SLC16A12: variants seen among roughly 807,000 people sequenced by gnomAD.
SLC16A12 encodes monocarboxylate transporter 12.
In SLC16A12, 17 loss-of-function variants were observed where a neutral mutation model predicts 42.4. That is an observed-to-expected ratio of 0.40 (90% CI 0.27 to 0.60). The LOEUF (loss-of-function observed/expected upper bound fraction) is 0.60. SLC16A12 is among the 20% of genes least tolerant of loss of function. SLC16A12 has a pLI of 0.42. For synonymous variants in SLC16A12, 224 were observed against 229.4 expected (o/e 0.98, Z 0.21); for missense variants, 544 against 623.0 (o/e 0.87, Z 1.35).
chr10:89,519,395 C>T (rs1296660760), intron 2 of SLC16A12, among the ~76,000 whole-genome samples: 1 of 152,074 alleles, frequency 6.6e-6, no homozygotes, highest in Non-Finnish European at 1.5e-5. Context: ...AAAAAAAATA[C>T]CCTATCAGCA....
At chr10:89,536,888 A>G (rs1399144020), upstream of SLC16A12, among the ~76,000 whole-genome samples, 1 of 152,158 alleles carries the variant, frequency 6.6e-6, no homozygotes, top group Non-Finnish European at 1.5e-5. Flanking sequence ...CCCAGGCTGG[A>G]GTGCAGTGGT....
At chr10:89,470,174 G>A (rs1198986792) in intron 2 of SLC16A12, among the ~76,000 whole-genome samples, 2 of 152,152 alleles carry the variant, frequency 1.3e-5, no homozygotes, top group Admixed American at 1.3e-4. Flanking sequence ...AAGGAATCAT[G>A]GGATTGTGTT....
intron 2 of SLC16A12, among the ~76,000 whole-genome samples, chr10:89,532,230 T>C (rs1843566596): frequency 6.6e-6 from 1 of 152,152 alleles, no homozygotes; most frequent in South Asian, 2.1e-4. Context: ...ACCCTACTCG[T>C]CAATGCGCGG....
upstream of SLC16A12, among the ~76,000 whole-genome samples, chr10:89,535,927 CG>C (rs1757792151): frequency 6.6e-6 from 1 of 152,240 alleles, no homozygotes; most frequent in Non-Finnish European, 1.5e-5. Flanking sequence ...CGAAATGCAC[CG>C]GCTCATTCAG....
intron 2 of SLC16A12, among the ~76,000 whole-genome samples, chr10:89,528,248 A>G (rs529851398): frequency 6.6e-6 from 1 of 152,330 alleles, no homozygotes. Context: ...AAAAACAGAA[A>G]GTTTTCAGAG....
At chr10:89,542,813 C>T (rs559300136) in intron 2 of SLC16A12, among the ~76,000 whole-genome samples, 2 of 152,316 alleles carry the variant, frequency 1.3e-5, no homozygotes, top group South Asian at 2.1e-4. Context: ...TTTACTTCAT[C>T]GAAATGGGAC....
chr10:89,461,635 T>A (rs892937674), intron 3 of SLC16A12, among the ~76,000 whole-genome samples: 15 of 152,236 alleles, frequency 9.9e-5, no homozygotes, highest in African/African-American at 3.4e-4. Context: ...TTTTCTTGAT[T>A]TATGAATTAT....
rs72816739 is a variant in SLC16A12 at position 89,519,165 on chromosome 10, C to T, written c.-47+15336G>A. On this transcript the variant is annotated intron_variant, in intron 2 of 7. Coordinates refer to ENST00000371790, the MANE Select transcript of SLC16A12 (RefSeq NM_213606.4). Reference sequence around the variant, plus strand: ...TTCACTACAACTCCAAAACACATATCCCATATTGATACTGTGCCACAAAAA... The same window carrying T: ...TTCACTACAACTCCAAAACACATATTCCATATTGATACTGTGCCACAAAAA... 1.2e-3 allele frequency among the ~76,000 whole-genome samples: 176 copies of T among 152,126 alleles called. 1 individual carries two copies. The highest frequency in any genetic ancestry group is 1.8e-3 in the Non-Finnish European group (120 of 68,014).
chr10:89,506,411 G>A (rs1199475812), intron 2 of SLC16A12, among the ~76,000 whole-genome samples: 2 of 152,136 alleles, frequency 1.3e-5, no homozygotes, highest in African/African-American at 2.4e-5. Context: ...CGCAGCCTCC[G>A]CTGGTGATAC....
At chr10:89,456,264 A>C (rs1327741240) in intron 3 of SLC16A12, 3 of 152,208 alleles carry the variant, frequency 2.0e-5, no homozygotes. Flanking sequence ...TGCTCAGTTA[A>C]AGTTAGCAAT....
chr10:89,486,753 G>T (rs2133798736), intron 2 of SLC16A12, among the ~76,000 whole-genome samples: 1 of 150,830 alleles, frequency 6.6e-6, no homozygotes, highest in Admixed American at 6.6e-5. Flanking sequence ...AATAAGTATA[G>T]AAATAAAGAC....
At chr10:89,459,576 G>A (rs1353857666) in intron 3 of SLC16A12, among the ~76,000 whole-genome samples, 1 of 148,144 alleles carries the variant, frequency 6.8e-6, no homozygotes, top group African/African-American at 2.4e-5. Flanking sequence ...GATTATGAAT[G>A]TATGCACAGT....
At chr10:89,537,132 G>C (rs921193216), upstream of SLC16A12, among the ~76,000 whole-genome samples, 1 of 148,896 alleles carries the variant, frequency 6.7e-6, no homozygotes, top group Non-Finnish European at 1.5e-5. Flanking sequence ...ACGCAGCAAG[G>C]CACCGTAGGT....
At position 89,462,532 on chromosome 10, in the gene SLC16A12, G is replaced by A. The variant is rs749116350; in HGVS notation, c.47C>T (p.Thr16Ile). 1 of 1,613,072 alleles carries A rather than the reference G, an allele frequency of 6.2e-7. No individual in the cohort carries two copies. The highest frequency in any genetic ancestry group is 1.3e-5 in the African/African-American group (1 of 74,886). Residue 16 changes from threonine (T) to isoleucine (I), a missense_variant, in exon 3 of 8, where the codon ACT becomes ATT. Thr to Ile is a moderately conservative substitution (Grantham distance 89). Transcript: ENST00000371790. Reference sequence around the variant, plus strand: ...TTTTCCAGGTTGCTCCAACAGCCAAGTTATGATCTTGGAAGAGTTTGCTGT... The same window carrying A: ...TTTTCCAGGTTGCTCCAACAGCCAAATTATGATCTTGGAAGAGTTTGCTGT... The part of the protein sequence containing the change: ...HWTANSSKII[T>I]WLLEQPGKEE...
chr10:89,482,736 T>G (rs2133790309), intron 2 of SLC16A12, among the ~76,000 whole-genome samples: 1 of 147,842 alleles, frequency 6.8e-6, no homozygotes, highest in Middle Eastern at 3.5e-3. Context: ...TGAGACAAGA[T>G]CACACTACTG....
chr10:89,506,852 C>G (rs1843070651), intron 2 of SLC16A12, among the ~76,000 whole-genome samples: 1 of 151,996 alleles, frequency 6.6e-6, no homozygotes, highest in African/African-American at 2.4e-5. Context: ...GAATTGCTAA[C>G]TAGAATAACC....
chr10:89,469,027 G>A (rs1325914806), intron 2 of SLC16A12, among the ~76,000 whole-genome samples: 1 of 152,156 alleles, frequency 6.6e-6, no homozygotes, highest in Non-Finnish European at 1.5e-5. Flanking sequence ...TACTTGGGGG[G>A]CTGAGGCATG....
rs1269433001 is a variant in SLC16A12 at position 89,431,215 on chromosome 10, T to C, written c.*1849A>G. On this transcript the variant is annotated 3_prime_UTR_variant, in exon 8 of 8. Transcript: ENST00000371790. ...AGTTTCACGATGTTAGCCAGGATGG[T>C]CTTGATCTCCTGACCTCATGATCCA... The C allele has an allele frequency of 6.3e-6, 1 of 158,882 alleles. No homozygotes were observed. The highest frequency in any genetic ancestry group is 1.4e-5 in the Non-Finnish European group (1 of 72,968). 9.8% of individuals were successfully genotyped at this position (158,882 alleles called of 1,614,324 possible). A position where few individuals can be genotyped will look rare whatever the true frequency, so the allele number is the denominator to read the frequency against.
chr10:89,430,955 A>G lies in SLC16A12; in HGVS notation c.*2109T>C. On this transcript the variant is annotated 3_prime_UTR_variant, in exon 8 of 8. Coordinates refer to ENST00000371790, the MANE Select transcript of SLC16A12 (RefSeq NM_213606.4). ...ATATTTAGGGCAAAGTGCTATTCCA[A>G]ACAGATATAACTTCATCTTAACTTT... 3.1e-6 allele frequency: 1 copy of G among 319,146 alleles called. No individual in the cohort carries two copies. Among genetic ancestry groups the G allele is most frequent in the Non-Finnish European group, 6.0e-6 (1 of 166,472 alleles). The allele number at this position is 319,146 out of a possible 1,614,324, so 19.8% of individuals were successfully genotyped here.
Sources: gnomAD v4.1 joint callset for allele counts (sites outside exome capture counted in the v4.1 genomes callset) on GRCh38, gnomAD v4.1.1 for gene constraint, MANE v1.5 for transcripts, NCBI Gene and HGNC (gene_info 2026-07-23, HGNC 2026-07-21) for gene names.